RHOJ: variants seen among roughly 807,000 people sequenced by gnomAD.
RHOJ encodes ras homolog family member J.
In RHOJ, 11 loss-of-function variants were observed where a neutral mutation model predicts 23.4. The ratio of observed to expected loss-of-function variants is 0.47; its 90% CI spans 0.30 to 0.78. The LOEUF is 0.78. Among genes scored for constraint, RHOJ ranks in the 30% least tolerant of loss-of-function variants. The probability of loss-of-function intolerance (pLI) is 0.08; values close to 1 mark genes in which losing one functional copy is unlikely to be tolerated. For synonymous variants in RHOJ, 102 were observed against 102.7 expected, an observed-to-expected ratio of 0.99 and a Z score of 0.04; for missense variants, 254 against 273.4, an observed-to-expected ratio of 0.93 and a Z score of 0.50.
chr14:63,228,210 T>G (rs1325394180), intron 1 of RHOJ, among the ~76,000 whole-genome samples: 3 of 152,224 alleles, frequency 2.0e-5, no homozygotes, highest in Admixed American at 1.3e-4. Flanking sequence ...TTACACTAAC[T>G]TTGTATTTCT....
chr14:63,256,881 G>A (rs917547926), intron 1 of RHOJ, among the ~76,000 whole-genome samples: 9 of 152,104 alleles, frequency 5.9e-5, no homozygotes, highest in Admixed American at 5.9e-4. Flanking sequence ...AGGCCAGCCT[G>A]ACGAACATGG....
intron 1 of RHOJ, among the ~76,000 whole-genome samples, chr14:63,266,691 T>C (rs1189852293): frequency 1.3e-5 from 2 of 152,230 alleles, no homozygotes; most frequent in African/African-American, 4.8e-5. Context: ...GTTCTTGATT[T>C]GTCTCTCAGC....
chr14:63,239,680 C>T (rs893417485), intron 1 of RHOJ, among the ~76,000 whole-genome samples: 9 of 152,238 alleles, frequency 5.9e-5, no homozygotes, highest in African/African-American at 1.7e-4. Context: ...ACCAGAGCTT[C>T]TTCTCTGCTT....
At chr14:63,270,014 TATG>T (rs1895438524) in intron 2 of RHOJ, among the ~76,000 whole-genome samples, 2 of 152,198 alleles carry the variant, frequency 1.3e-5, no homozygotes, top group African/African-American at 4.8e-5. Flanking sequence ...TTTGTTACCG[TATG>T]TCTTGGGTCA....
intron 1 of RHOJ, among the ~76,000 whole-genome samples, chr14:63,210,536 A>T (rs1015438496): frequency 6.6e-6 from 1 of 152,038 alleles, no homozygotes; most frequent in Non-Finnish European, 1.5e-5. Context: ...CTAAGAAACA[A>T]CCCTGGGCTC....
At chr14:63,289,584 C>A (rs962047566) in intron 4 of RHOJ, among the ~76,000 whole-genome samples, 4 of 152,238 alleles carry the variant, frequency 2.6e-5, no homozygotes, top group Admixed American at 2.0e-4. Context: ...AACATCACAT[C>A]ATTGACTCTT....
At chr14:63,263,028 A>G (rs575751017) in intron 1 of RHOJ, among the ~76,000 whole-genome samples, 1 of 152,332 alleles carries the variant, frequency 6.6e-6, no homozygotes, top group East Asian at 1.9e-4. Flanking sequence ...GAAAAATAAC[A>G]GTCGTTTAGT....
At chr14:63,256,057 C>G (rs1895159595) in intron 1 of RHOJ, among the ~76,000 whole-genome samples, 1 of 151,888 alleles carries the variant, frequency 6.6e-6, no homozygotes, top group Admixed American at 6.6e-5. Context: ...TTGTTGTTTG[C>G]TTGTTTTTTT....
intron 1 of RHOJ, among the ~76,000 whole-genome samples, chr14:63,228,898 C>G (rs940155558): frequency 6.6e-6 from 1 of 152,186 alleles, no homozygotes; most frequent in Non-Finnish European, 1.5e-5. Flanking sequence ...CTTCCAGAAG[C>G]CTTCCAGAGC....
intron 1 of RHOJ, among the ~76,000 whole-genome samples, chr14:63,213,657 A>G (rs1047596365): frequency 1.3e-5 from 2 of 152,154 alleles, no homozygotes; most frequent in African/African-American, 4.8e-5. Context: ...ATACCCAGTA[A>G]TAGGATTGCT....
intron 2 of RHOJ, among the ~76,000 whole-genome samples, chr14:63,276,220 C>T (rs916027175): frequency 2.7e-5 from 4 of 150,482 alleles, no homozygotes; most frequent in Non-Finnish European, 4.4e-5. Flanking sequence ...TGGGGGGGGG[C>T]GGGGGCTGCG....
chr14:63,226,962 T>G (rs949064604), intron 1 of RHOJ, among the ~76,000 whole-genome samples: 13 of 152,176 alleles, frequency 8.5e-5, no homozygotes, highest in African/African-American at 2.9e-4. Flanking sequence ...GCTAAGTATT[T>G]TTTTTTAAGA....
chr14:63,230,845 T>TA (rs914133048), intron 1 of RHOJ, among the ~76,000 whole-genome samples: 1 of 147,008 alleles, frequency 6.8e-6, no homozygotes, highest in Non-Finnish European at 1.5e-5. Flanking sequence ...ACAAGGCTTT[T>TA]TTTTTTTTTT....
In RHOJ at chr14:63,207,308, G is replaced by A. The variant is rs1350154685; in HGVS notation, c.178+2261G>A. Among the ~76,000 whole-genome samples, 3 of 152,224 alleles carry A rather than the reference G, an allele frequency of 2.0e-5. No individual in the cohort carries two copies. In the East Asian group the frequency reaches 5.8e-4, roughly 29 times the overall value. Reference sequence around the variant, plus strand: ...GCCTCCTAACGTGCTGGGATTACAGGCGTGAGCCACCGCGCCCAACCAGAA... The same window carrying A: ...GCCTCCTAACGTGCTGGGATTACAGACGTGAGCCACCGCGCCCAACCAGAA... On this transcript the variant is annotated intron_variant, in intron 1 of 4. Transcript: ENST00000316754.
At chr14:63,252,233 C>A (rs1267329815) in intron 1 of RHOJ, among the ~76,000 whole-genome samples, 1 of 152,186 alleles carries the variant, frequency 6.6e-6, no homozygotes, top group African/African-American at 2.4e-5. Flanking sequence ...TGAGCCCTTC[C>A]ACAGCACCTC....
intron 1 of RHOJ, among the ~76,000 whole-genome samples, chr14:63,245,925 T>C (rs979758290): frequency 6.6e-6 from 1 of 152,248 alleles, no homozygotes; most frequent in Non-Finnish European, 1.5e-5. Flanking sequence ...ATCCTGGCTC[T>C]GTCACCTATT....
intron 4 of RHOJ, among the ~76,000 whole-genome samples, chr14:63,289,829 G>C (rs1185270505): frequency 6.6e-6 from 1 of 151,950 alleles, no homozygotes; most frequent in African/African-American, 2.4e-5. Context: ...TATATAGACT[G>C]TACACTGACA....
intron 2 of RHOJ, among the ~76,000 whole-genome samples, chr14:63,276,916 T>C (rs972919681): frequency 1.3e-5 from 2 of 152,240 alleles, no homozygotes; most frequent in South Asian, 4.1e-4. Flanking sequence ...GTTTTTGGCT[T>C]TGAAGTTTTA....
intron 1 of RHOJ, among the ~76,000 whole-genome samples, chr14:63,234,607 T>C (rs780285851): frequency 1.4e-4 from 21 of 152,334 alleles, no homozygotes; most frequent in Non-Finnish European, 1.9e-4. Context: ...CCTTTGAATA[T>C]ATAACCCACA....
Sources: gnomAD v4.1 joint callset for allele counts (sites outside exome capture counted in the v4.1 genomes callset) on GRCh38, gnomAD v4.1.1 for gene constraint, MANE v1.5 for transcripts, NCBI Gene and HGNC (gene_info 2026-07-23, HGNC 2026-07-21) for gene names.